Variants in FN1 observed in about 807,000 individuals in gnomAD.
FN1 encodes fibronectin 1.
A neutral mutation model predicts 297.3 loss-of-function variants in FN1; 106 were observed. The observed-to-expected ratio is 0.36, with a 90% CI of 0.30 to 0.42. The LOEUF (loss-of-function observed/expected upper bound fraction) is 0.42. FN1 is among the 10% of genes least tolerant of loss of function. The pLI, the probability that FN1 is intolerant of heterozygous loss-of-function variation, is 1.00. For missense variants in FN1, 2,690 were observed against 3,124.9 expected, an observed-to-expected ratio of 0.86 and a Z score of 3.32; for synonymous variants, 1,149 against 1,152.6, an observed-to-expected ratio of 1.00 and a Z score of 0.06.
At chr2:215,370,547 C>CAAAAAA in intron 40 of FN1, 115 bp from the exon 41 acceptor site, 1 of 295,920 alleles carries the variant, frequency 3.4e-6, no homozygotes, top group South Asian at 8.0e-5. Flanking sequence ...AGACAAAAAA[C>CAAAAAA]AAAAAACAAA....
At chr2:215,365,940 G>T (rs1162558864) in intron 42 of FN1, among the ~76,000 whole-genome samples, 1 of 149,394 alleles carries the variant, frequency 6.7e-6, no homozygotes, top group Admixed American at 6.7e-5. Flanking sequence ...TGAGTAGCTG[G>T]GATTACAGGC....
Position 215,433,236 on chromosome 2 carries a change from AG to A in FN1, c.415+87del, listed in dbSNP as rs1414735590. On this transcript the variant is annotated intron_variant, in intron 3 of 45. Transcript: ENST00000354785. The stretch of plus-strand genomic sequence containing the variant: ...GCAAACCTCAAAGTTCGGAATATCC[AG>A]TCATGGATAACAGAAAATGACAGTG... 8.5e-6 allele frequency: 13 copies of A among 1,532,208 alleles called. No homozygotes were observed. The African/African-American group carries it at 1.8e-4, about 21-fold the overall frequency. The allele number at this position is 1,532,208 out of a possible 1,614,324, so 94.9% of individuals were successfully genotyped here.
At position 215,386,849 on chromosome 2, in the gene FN1, A is replaced by G. The variant is rs753615379; in HGVS notation, c.4452T>C (p.His1484=). The G allele has an allele frequency of 1.2e-6, 2 of 1,614,026 alleles. No homozygotes were observed. The highest frequency in any genetic ancestry group is 4.5e-5 in the East Asian group (2 of 44,862). ...GAGGTCTCCCACTGAAGTGCTCGGG[A>G]TGATGGCGGATCCTGTAGCCAGTGA... The part of the protein sequence containing the change: ...ATITGYRIRH[H]PEHFSGRPRE... Residue 1484 remains histidine (H), a synonymous_variant, in exon 28 of 46, where the codon CAT becomes CAC. Coordinates refer to ENST00000354785, the MANE Select transcript of FN1 (RefSeq NM_212482.4).
At chr2:215,421,743 T>C (rs575687861) in intron 10 of FN1, among the ~76,000 whole-genome samples, 2 of 152,248 alleles carry the variant, frequency 1.3e-5, no homozygotes, top group South Asian at 4.1e-4. Context: ...AGGTCTTCAT[T>C]TCTTTACAGA....
chr2:215,363,284 AC>A (rs2053874938), intron 44 of FN1: 1 of 152,218 alleles, frequency 6.6e-6, no homozygotes. Context: ...ACCAAAATCA[AC>A]TTCCCAGCAA....
intron 44 of FN1, chr2:215,364,506 G>A (rs975830380): frequency 3.0e-6 from 1 of 327,882 alleles, no homozygotes; most frequent in African/African-American, 2.1e-5. Context: ...TAATTAATTT[G>A]AATAGTATCT....
chr2:215,400,751 CAAAAAAA>C (rs1175226865), intron 20 of FN1, among the ~76,000 whole-genome samples: 15 of 56,220 alleles, frequency 2.7e-4, no homozygotes, highest in African/African-American at 1.2e-3. Context: ...GGCTCCATCT[CAAAAAAA>C]AAAAAAAAAA....
intron 4 of FN1, 67 bp downstream of exon 4, chr2:215,431,766 G>A: frequency 6.5e-7 from 1 of 1,546,664 alleles, no homozygotes; most frequent in Non-Finnish European, 8.9e-7. Flanking sequence ...ATGTAGATGT[G>A]ATTCTGGTCC....
chr2:215,386,586 T>G, intron 28 of FN1, 103 bp downstream of exon 28: 1 of 586,690 alleles, frequency 1.7e-6, no homozygotes, highest in Admixed American at 3.4e-5. Flanking sequence ...TTTTTTTTTT[T>G]TTTTTTTTGA....
At chr2:215,399,956 G>A (rs563339885) in intron 20 of FN1, among the ~76,000 whole-genome samples, 2 of 151,966 alleles carry the variant, frequency 1.3e-5, no homozygotes, top group Non-Finnish European at 2.9e-5. Context: ...GGGAAGCCGA[G>A]GTGGGTGGAT....
At chr2:215,408,064 A>C in intron 17 of FN1, 44 bp downstream of exon 17, 1 of 1,486,388 alleles carries the variant, frequency 6.7e-7, no homozygotes, top group Non-Finnish European at 9.4e-7. Flanking sequence ...TGCTGATGTC[A>C]TTAAGATTAA....
chr2:215,387,662 C>A (rs1489743534), intron 27 of FN1, among the ~76,000 whole-genome samples: 2 of 152,028 alleles, frequency 1.3e-5, no homozygotes, highest in African/African-American at 4.8e-5. Flanking sequence ...CAATAAGAAA[C>A]CAAACTAAGA....
intron 26 of FN1, among the ~76,000 whole-genome samples, chr2:215,390,128 A>AG: frequency 6.6e-6 from 1 of 152,166 alleles, no homozygotes; most frequent in Admixed American, 6.5e-5. Context: ...CCACCATACT[A>AG]GCTGGCCAGT....
At chr2:215,432,614 G>T (rs2066726072) in intron 3 of FN1, among the ~76,000 whole-genome samples, 1 of 152,204 alleles carries the variant, frequency 6.6e-6, no homozygotes, top group South Asian at 2.1e-4. Context: ...CTTTTGAATA[G>T]AAGTCTTTAA....
At chr2:215,377,633 C>G (rs1443451460) in intron 35 of FN1, among the ~76,000 whole-genome samples, 3 of 152,170 alleles carry the variant, frequency 2.0e-5, no homozygotes, top group Non-Finnish European at 4.4e-5. Context: ...GCCAATTAAG[C>G]CTCTTTTCTT....
At chr2:215,419,145 G>T (rs1460737579) in intron 12 of FN1, 97 bp downstream of exon 12, 1 of 1,019,826 alleles carries the variant, frequency 9.8e-7, no homozygotes, top group African/African-American at 1.6e-5. Context: ...GGGAAAGAGG[G>T]GAGACCCCCA....
chr2:215,427,627 T>C (rs1437083303), intron 6 of FN1, among the ~76,000 whole-genome samples: 1 of 152,160 alleles, frequency 6.6e-6, no homozygotes, highest in Non-Finnish European at 1.5e-5. Flanking sequence ...GTGTGTTACT[T>C]TATAGAATGT....
rs756395526 is a variant in FN1 at position 215,365,636 on chromosome 2, G to C, written c.7019-6C>G. On this transcript the variant is annotated splice_region_variant and splice_polypyrimidine_tract_variant and intron_variant, in intron 42 of 45. Coordinates refer to ENST00000354785, the MANE Select transcript of FN1 (RefSeq NM_212482.4). Reference sequence around the variant, plus strand: ...ACCATTGTCATGGCACCATCCTGTAGGGGTGGGGAAAGTCAGGACCAAAAA... The same window carrying C: ...ACCATTGTCATGGCACCATCCTGTACGGGTGGGGAAAGTCAGGACCAAAAA... 3.7e-6 allele frequency: 6 copies of C among 1,613,814 alleles called. No individual in the cohort carries two copies. The highest frequency in any genetic ancestry group is 5.1e-6 in the Non-Finnish European group (6 of 1,179,908).
chr2:215,371,508 A>G (rs1379702506), intron 40 of FN1, among the ~76,000 whole-genome samples: 1 of 151,852 alleles, frequency 6.6e-6, no homozygotes, highest in Non-Finnish European at 1.5e-5. Flanking sequence ...TCAAAAAGGA[A>G]CCTCAAATGT....
Sources: gnomAD v4.1 joint callset for allele counts (sites outside exome capture counted in the v4.1 genomes callset) on GRCh38, gnomAD v4.1.1 for gene constraint, MANE v1.5 for transcripts, NCBI Gene and HGNC (gene_info 2026-07-23, HGNC 2026-07-21) for gene names.